SDF4: variants seen among roughly 807,000 people sequenced by gnomAD.
The protein encoded by SDF4 is stromal cell derived factor 4, also known as 45 kDa calcium-binding protein.
A neutral mutation model predicts 34.2 loss-of-function variants in SDF4; 22 were observed. The ratio of observed to expected loss-of-function variants is 0.64; its 90% confidence interval spans 0.46 to 0.92. The LOEUF is 0.92. SDF4 is among the 40% of genes least tolerant of loss of function. The pLI is 0.00. For synonymous variants in SDF4, 236 were observed against 203.1 expected, an observed-to-expected ratio of 1.16 and a Z score of -1.38; for missense variants, 447 against 499.9, an observed-to-expected ratio of 0.89 and a Z score of 1.01.
Position 1,217,415 on chromosome 1 carries a change from G to T in SDF4, c.*97C>A. On this transcript the variant is annotated 3_prime_UTR_variant, in exon 7 of 7. Transcript: ENST00000360001. The surrounding 1 kb of genome is among the most constrained non-coding windows in gnomAD (Gnocchi z 8.5). ...GTCGGTCGGCCGGTGGCGGGCGGCA[G>T]GGAAGAGGTGGGGTCCGGGACAGCC... 1 of 1,098,182 alleles carries T rather than the reference G, an allele frequency of 9.1e-7. No individual in the cohort carries two copies. Among genetic ancestry groups the T allele is most frequent in the South Asian group, 2.5e-5 (1 of 39,510 alleles). The allele number at this position is 1,098,182 out of a possible 1,614,324, so 68.0% of individuals were successfully genotyped here.
chr1:1,219,708 C>T (rs942582426), intron 4 of SDF4: 3 of 986,196 alleles, frequency 3.0e-6, no homozygotes, highest in Non-Finnish European at 3.6e-6. Context: ...AGGACCCAAG[C>T]CACCCTGGGT....
chr1:1,222,326 G>A (rs889547063), intron 4 of SDF4, among the ~76,000 whole-genome samples: 4 of 152,214 alleles, frequency 2.6e-5, no homozygotes, highest in East Asian at 1.9e-4. Context: ...ACCTGGCCCC[G>A]TGCAGGGTGG....
rs61743559 is a variant in SDF4, at chr1:1,228,635, C to A, written c.138G>T (p.Glu46Asp). 1,596 of 1,613,294 alleles carry A rather than the reference C, an allele frequency of 9.9e-4. 13 individuals are homozygous for A. In the African/African-American group the frequency reaches 0.019, roughly 19 times the overall value. Residue 46 changes from glutamate to aspartate, a missense_variant, in exon 2 of 7, where the codon GAG becomes GAT. Coordinates refer to ENST00000360001, the MANE Select transcript of SDF4 (RefSeq NM_016176.6). The part of the protein sequence containing the change: ...STRERVANRE[E>D]NEILPPDHLN... Reference sequence around the variant, plus strand: ...GGTGGTCTGGGGGCAGGATCTCATTCTCCTCCCTGTTGGCTACTCTCTCTC... The same window carrying A: ...GGTGGTCTGGGGGCAGGATCTCATTATCCTCCCTGTTGGCTACTCTCTCTC...
Position 1,218,965 on chromosome 1 carries a change from G to A in SDF4, c.557-38C>T, listed in dbSNP as rs750587569. The A allele has an allele frequency of 3.7e-6, 6 of 1,612,394 alleles. No homozygotes were observed. In the African/African-American group the frequency reaches 6.7e-5, roughly 18 times the overall value. ...CAGCCTGTGGGTATCGAGGCCGACA[G>A]ACGCCAGCACGCAAATCCAGAAAGT... On this transcript the variant is annotated intron_variant, in intron 4 of 6. Transcript: ENST00000360001. The surrounding 1 kb of genome is among the most constrained non-coding windows in gnomAD (Gnocchi z 7.9).
chr1:1,221,665 A>C (rs1649969407), intron 4 of SDF4, among the ~76,000 whole-genome samples: 1 of 152,172 alleles, frequency 6.6e-6, no homozygotes, highest in Non-Finnish European at 1.5e-5. Flanking sequence ...AAATTAAAAA[A>C]AGAAAGAGGC....
Position 1,218,551 on chromosome 1 carries a change from G to C in SDF4, c.798C>G (p.Asp266Glu), listed in dbSNP as rs781676433. The change falls in exon 6 of 7, where the codon GAC becomes GAG. Residue 266 changes from aspartate to glutamate, a missense_variant. Asp to Glu is a conservative substitution (Grantham distance 45). Coordinates refer to ENST00000360001, the MANE Select transcript of SDF4 (RefSeq NM_016176.6). This position sits in a 1 kb window ranked among gnomAD's most constrained non-coding sequence, Gnocchi z 7.9. ...VGTVENQQGQ[D>E]IDDNWVKDRK... ...TGTCTTTCACCCAGTTGTCGTCAATGTCCTGGCCCTGCTGGTTCTCCACGG... is the reference window on the plus strand; with the variant it reads ...TGTCTTTCACCCAGTTGTCGTCAATCTCCTGGCCCTGCTGGTTCTCCACGG... The C allele has an allele frequency of 1.9e-5, 31 of 1,614,080 alleles. No individual in the cohort carries two copies. The East Asian group carries it at 6.7e-4, about 35-fold the overall frequency.
At chr1:1,229,761 C>CTCAGCT (rs1233864941) in intron 1 of SDF4, among the ~76,000 whole-genome samples, 2 of 152,208 alleles carry the variant, frequency 1.3e-5, no homozygotes, top group Non-Finnish European at 2.9e-5. Flanking sequence ...CCTCCCCGGC[C>CTCAGCT]TCAGCTTCTC....
At position 1,223,245 on chromosome 1, in the gene SDF4, T is replaced by C. The variant is rs1428785761; in HGVS notation, c.555A>G (p.Glu185=). The C allele has an allele frequency of 6.2e-7, 1 of 1,610,722 alleles. No homozygotes were observed. Among genetic ancestry groups the C allele is most frequent in the South Asian group, 1.1e-5 (1 of 91,028 alleles). ...RLNEELKVDE[E]TQEVLENLKD... ...GCGGGAGCCTGGCTGAGCACTCACTTTCCTCATCCACTTTGAGTTCCTCGT... is the reference window on the plus strand; with the variant it reads ...GCGGGAGCCTGGCTGAGCACTCACTCTCCTCATCCACTTTGAGTTCCTCGT... The change falls in exon 4 of 7, where the codon GAA becomes GAG. Residue 185 remains glutamate, a splice_region_variant and synonymous_variant. Coordinates refer to ENST00000360001, the MANE Select transcript of SDF4 (RefSeq NM_016176.6).
At chr1:1,220,543 G>GC in intron 4 of SDF4, 1 of 1,249,588 alleles carries the variant, frequency 8.0e-7, no homozygotes, top group Admixed American at 2.4e-5. Context: ...AGGTCGGGGG[G>GC]TCCTAGGCAC....
chr1:1,223,315 C>T lies in SDF4; in HGVS notation c.485G>A (p.Ser162Asn). 6.2e-7 allele frequency: 1 copy of T among 1,614,000 alleles called. No homozygotes were observed. ...WDEYKVKFLA[S>N]KGHSEKEVAD... The stretch of plus-strand genomic sequence containing the variant: ...AACCTCCTTCTCGCTATGGCCTTTA[C>T]TCGCCAAAAACTTCACCTTATACTC... Residue 162 changes from serine (S) to asparagine (N), a missense_variant, in exon 4 of 7, where the codon AGT becomes AAT. By Grantham distance (46) the Ser-to-Asn change is conservative (BLOSUM62 1). Coordinates refer to ENST00000360001, the MANE Select transcript of SDF4 (RefSeq NM_016176.6).
intron 4 of SDF4, among the ~76,000 whole-genome samples, chr1:1,222,752 C>T (rs184693917): frequency 1.1e-4 from 17 of 152,384 alleles, no homozygotes; most frequent in Non-Finnish European, 1.9e-4. Flanking sequence ...CGCTCCCCAC[C>T]GGACTCCTGG....
chr1:1,230,151 C>T (rs1024121528), intron 1 of SDF4, among the ~76,000 whole-genome samples: 2 of 152,342 alleles, frequency 1.3e-5, no homozygotes, highest in African/African-American at 2.4e-5. Flanking sequence ...CGGGTCCTTT[C>T]GGGTGCCGCT....
chr1:1,220,393 C>A (rs565145220), intron 4 of SDF4: 2 of 1,157,808 alleles, frequency 1.7e-6, no homozygotes. Flanking sequence ...CAGCAGCCCC[C>A]GGACTCACGC....
At chr1:1,220,799 C>T (rs1291230579) in intron 4 of SDF4, 3 of 1,267,866 alleles carry the variant, frequency 2.4e-6, no homozygotes, top group African/African-American at 1.5e-5. Context: ...GGGGGGCGGG[C>T]ACGGGCAAGG....
chr1:1,219,450 C>T (rs1649772868), intron 4 of SDF4: 7 of 1,009,206 alleles, frequency 6.9e-6, no homozygotes, highest in African/African-American at 1.7e-5. Flanking sequence ...GCGGAATCAC[C>T]CTGAAGGCTG....
chr1:1,231,433 G>A (rs1038806871), intron 1 of SDF4, among the ~76,000 whole-genome samples: 4 of 152,262 alleles, frequency 2.6e-5, no homozygotes, highest in Admixed American at 2.0e-4. Flanking sequence ...GCTCAACAGG[G>A]TTCATAACAC....
At chr1:1,224,937 C>T (rs777035942) in intron 2 of SDF4, among the ~76,000 whole-genome samples, 1 of 152,146 alleles carries the variant, frequency 6.6e-6, no homozygotes, top group Non-Finnish European at 1.5e-5. Flanking sequence ...CAAAATCCTT[C>T]ATATAAATTT....
chr1:1,231,352 C>G (rs1179377657), intron 1 of SDF4, among the ~76,000 whole-genome samples: 1 of 152,254 alleles, frequency 6.6e-6, no homozygotes, highest in African/African-American at 2.4e-5. Flanking sequence ...TCTTTGCCAT[C>G]CCTGGGCTTC....
chr1:1,230,527 C>G (rs1638461939), intron 1 of SDF4, among the ~76,000 whole-genome samples: 2 of 151,726 alleles, frequency 1.3e-5, no homozygotes, highest in East Asian at 1.9e-4. Context: ...GTGGTGCAGT[C>G]TCGGCTCACT....
Sources: allele counts gnomAD v4.1 joint callset (sites outside exome capture counted in the v4.1 genomes callset), GRCh38; gene constraint gnomAD v4.1.1; non-coding constraint Gnocchi (gnomAD v3.1); transcripts MANE v1.5; gene names NCBI Gene and HGNC (gene_info 2026-07-23, HGNC 2026-07-21).